The following PRKN variants were observed in gnomAD, a reference collection of about 807,000 sequenced individuals.
PRKN encodes parkin RBR E3 ubiquitin protein ligase, also known as E3 ubiquitin-protein ligase parkin.
In PRKN, 56 loss-of-function variants were observed where a neutral mutation model predicts 59.5. The ratio of observed to expected loss-of-function variants is 0.94; its 90% CI spans 0.76 to 1.18. The LOEUF (loss-of-function observed/expected upper bound fraction) is 1.18. Among genes scored for constraint, PRKN ranks in the 50% most tolerant of loss-of-function variants. The probability of loss-of-function intolerance (pLI) is 0.00; values close to 1 mark genes in which losing one functional copy is unlikely to be tolerated. For missense variants in PRKN, 657 were observed against 596.4 expected, an observed-to-expected ratio of 1.10 and a Z score of -1.06; for synonymous variants, 250 against 222.1, an observed-to-expected ratio of 1.13 and a Z score of -1.12.
At chr6:161,438,702 G>C (rs1886238) in intron 9 of PRKN, among the ~76,000 whole-genome samples, 2,142 of 152,218 alleles carry the variant, frequency 0.014, 54 homozygotes, top group African/African-American at 0.048. Flanking sequence ...ATAGATGATG[G>C]ATGTTGTTAA....
chr6:162,591,271 T>TA (rs1781295898), intron 1 of PRKN, among the ~76,000 whole-genome samples: 1 of 152,102 alleles, frequency 6.6e-6, no homozygotes, highest in African/African-American at 2.4e-5. Flanking sequence ...TCTTTATAGG[T>TA]ACATTTTTGT....
chr6:161,777,007 G>C (rs948229941), intron 7 of PRKN, among the ~76,000 whole-genome samples: 2 of 152,096 alleles, frequency 1.3e-5, no homozygotes, highest in African/African-American at 2.4e-5. Flanking sequence ...GTTGAGGCAG[G>C]CTTATCTATT....
intron 3 of PRKN, among the ~76,000 whole-genome samples, chr6:162,215,527 T>C (rs1157907925): frequency 1.3e-5 from 2 of 152,230 alleles, no homozygotes; most frequent in Non-Finnish European, 1.5e-5. Context: ...ACTAAATGAA[T>C]GTTGTCAAAA....
chr6:161,476,135 C>G (rs1279926230), intron 9 of PRKN, among the ~76,000 whole-genome samples: 2 of 151,162 alleles, frequency 1.3e-5, no homozygotes, highest in East Asian at 2.0e-4. Context: ...TGCAGTGAGC[C>G]GAGATCGCGC....
At chr6:161,995,348 T>C (rs1328778112) in intron 5 of PRKN, among the ~76,000 whole-genome samples, 1 of 152,108 alleles carries the variant, frequency 6.6e-6, no homozygotes, top group Non-Finnish European at 1.5e-5. Context: ...ATTCAGGACA[T>C]TGGTCTAGGC....
intron 1 of PRKN, among the ~76,000 whole-genome samples, chr6:162,633,707 C>G (rs1411852494): frequency 6.6e-6 from 1 of 151,740 alleles, no homozygotes; most frequent in Non-Finnish European, 1.5e-5. Flanking sequence ...TTCCGTGGGA[C>G]CCTGAATGTG....
intron 5 of PRKN, among the ~76,000 whole-genome samples, chr6:162,017,312 A>G (rs1782967370): frequency 6.6e-6 from 1 of 152,170 alleles, no homozygotes; most frequent in African/African-American, 2.4e-5. Flanking sequence ...ATCTAGGCCT[A>G]GTTTACATGC....
At chr6:161,834,989 G>A (rs953031081) in intron 6 of PRKN, among the ~76,000 whole-genome samples, 11 of 152,080 alleles carry the variant, frequency 7.2e-5, no homozygotes, top group African/African-American at 2.7e-4. Context: ...TCAGCAGGCA[G>A]AGCTTGGCCT....
At chr6:161,553,673 T>A (rs1363942602) in intron 8 of PRKN, among the ~76,000 whole-genome samples, 1 of 152,244 alleles carries the variant, frequency 6.6e-6, no homozygotes, top group African/African-American at 2.4e-5. Flanking sequence ...AGTGGTATTG[T>A]ATGAATAGGA....
intron 7 of PRKN, among the ~76,000 whole-genome samples, chr6:161,692,828 A>G (rs2065271889): frequency 6.6e-6 from 1 of 152,014 alleles, no homozygotes; most frequent in Non-Finnish European, 1.5e-5. Flanking sequence ...CACACCTGTA[A>G]TCCCAGCTAC....
intron 7 of PRKN, among the ~76,000 whole-genome samples, chr6:161,705,079 G>T (rs1184011610): frequency 6.6e-6 from 1 of 152,162 alleles, no homozygotes; most frequent in Non-Finnish European, 1.5e-5. Flanking sequence ...GAGCTTTGGA[G>T]TCATGCATCC....
intron 4 of PRKN, among the ~76,000 whole-genome samples, chr6:162,110,093 T>C (rs1440610747): frequency 6.6e-6 from 1 of 152,208 alleles, no homozygotes; most frequent in Non-Finnish European, 1.5e-5. Flanking sequence ...TTCTTTTGAA[T>C]GTACTATGTG....
At chr6:162,564,840 C>A in intron 1 of PRKN, among the ~76,000 whole-genome samples, 1 of 141,576 alleles carries the variant, frequency 7.1e-6, no homozygotes, top group South Asian at 2.2e-4. Context: ...ACCTGTCCTA[C>A]AGGAAATGCT....
intron 5 of PRKN, among the ~76,000 whole-genome samples, chr6:162,042,886 T>C (rs761173992): frequency 6.6e-6 from 1 of 152,210 alleles, no homozygotes; most frequent in Non-Finnish European, 1.5e-5. Context: ...GTTAAAATAG[T>C]TCATTTTTAT....
intron 2 of PRKN, among the ~76,000 whole-genome samples, chr6:162,263,066 A>G (rs1779964575): frequency 6.6e-6 from 1 of 152,126 alleles, no homozygotes; most frequent in Admixed American, 6.6e-5. Context: ...ATCTATAAGC[A>G]CAGTGAAAAC....
intron 4 of PRKN, among the ~76,000 whole-genome samples, chr6:162,190,592 A>G (rs1391530810): frequency 6.6e-6 from 1 of 152,170 alleles, no homozygotes; most frequent in Non-Finnish European, 1.5e-5. Context: ...GCATTTACGC[A>G]GGTAGCTGGA....
chr6:161,434,141 A>T (rs1231435932), intron 9 of PRKN, among the ~76,000 whole-genome samples: 2 of 152,122 alleles, frequency 1.3e-5, no homozygotes, highest in Admixed American at 1.3e-4. Flanking sequence ...AAAATTTTGT[A>T]TGTGGGGAAT....
At chr6:161,736,971 G>A (rs1390194148) in intron 7 of PRKN, among the ~76,000 whole-genome samples, 1 of 152,194 alleles carries the variant, frequency 6.6e-6, no homozygotes, top group Non-Finnish European at 1.5e-5. Flanking sequence ...GGAGCTCACA[G>A]TCTGACCAAG....
At position 161,889,988 on chromosome 6, in the gene PRKN, T is replaced by C. The variant is rs1269425730; in HGVS notation, c.734+83314A>G. Reference sequence around the variant, plus strand: ...TTAGTAATCAGTATATATTTGAAAGTACACGCATTCGAGGAGCAGCTGGGG... The same window carrying C: ...TTAGTAATCAGTATATATTTGAAAGCACACGCATTCGAGGAGCAGCTGGGG... On this transcript the variant is annotated intron_variant, in intron 6 of 11. Coordinates refer to ENST00000366898, the MANE Select transcript of PRKN (RefSeq NM_004562.3). 2.6e-5 allele frequency among the ~76,000 whole-genome samples: 4 copies of C among 152,306 alleles called. No individual in the cohort carries two copies. In the East Asian group the frequency reaches 7.7e-4, roughly 29 times the overall value.
Sources: gnomAD v4.1 joint callset for allele counts (sites outside exome capture counted in the v4.1 genomes callset) on GRCh38, gnomAD v4.1.1 for gene constraint, MANE v1.5 for transcripts, NCBI Gene and HGNC (gene_info 2026-07-23, HGNC 2026-07-21) for gene names.